SP140: variants seen among roughly 807,000 people sequenced by gnomAD.
The protein encoded by SP140 is SP140 nuclear body protein.
SP140 carries 81 observed loss-of-function variants against 125.0 expected under a neutral mutation model. The ratio of observed to expected loss-of-function variants is 0.65; its 90% CI spans 0.54 to 0.78. The LOEUF is 0.78. Among genes scored for constraint, SP140 ranks in the 30% least tolerant of loss-of-function variants. SP140 has a pLI of 0.00. For synonymous variants in SP140, 312 were observed against 354.0 expected, an observed-to-expected ratio of 0.88 and a Z score of 1.33; for missense variants, 858 against 1,037.0, an observed-to-expected ratio of 0.83 and a Z score of 2.37.
intron 12 of SP140, among the ~76,000 whole-genome samples, chr2:230,266,990 C>T (rs1444707261): frequency 6.6e-6 from 1 of 152,194 alleles, no homozygotes; most frequent in Non-Finnish European, 1.5e-5. Flanking sequence ...ATTATGTTCA[C>T]AGTCCTCAGG....
chr2:230,253,096 A>G (rs544620286), intron 10 of SP140, among the ~76,000 whole-genome samples: 21 of 152,324 alleles, frequency 1.4e-4, no homozygotes, highest in African/African-American at 5.1e-4. Flanking sequence ...GGCCAGTTGG[A>G]GAGAAGATCA....
intron 15 of SP140, among the ~76,000 whole-genome samples, chr2:230,278,350 TG>T (rs1232914389): frequency 4.6e-5 from 7 of 152,118 alleles, no homozygotes; most frequent in African/African-American, 1.7e-4. Context: ...TGTTTTGTTT[TG>T]TTTTTTTGCT....
chr2:230,220,810 T>C (rs759186603), upstream of SP140, among the ~76,000 whole-genome samples: 11 of 152,084 alleles, frequency 7.2e-5, no homozygotes, highest in Non-Finnish European at 1.5e-4. Context: ...TTGAGACCAG[T>C]CTGGGCAACA....
intron 1 of SP140, among the ~76,000 whole-genome samples, chr2:230,234,194 A>G (rs2047651737): frequency 6.6e-6 from 1 of 152,168 alleles, no homozygotes; most frequent in African/African-American, 2.4e-5. Flanking sequence ...CCCAAATCTC[A>G]ACGGGTCACC....
the SP140 span, among the ~76,000 whole-genome samples, chr2:230,194,991 G>A: frequency 6.6e-6 from 1 of 152,060 alleles, no homozygotes; most frequent in Non-Finnish European, 1.5e-5. Flanking sequence ...AGCTGGTCAG[G>A]TGAGGGGCCT....
chr2:230,196,719 A>T, the SP140 span, among the ~76,000 whole-genome samples: 1 of 148,516 alleles, frequency 6.7e-6, no homozygotes, highest in African/African-American at 2.5e-5. Flanking sequence ...CAGTCCCCAG[A>T]GTGTGATGTT....
chr2:230,204,849 A>C (rs2043591404), intron 1 of SP140, among the ~76,000 whole-genome samples: 2 of 152,282 alleles, frequency 1.3e-5, no homozygotes, highest in South Asian at 4.1e-4. Context: ...ATTTATGGGG[A>C]GTAGTGTAGG....
intron 3 of SP140, among the ~76,000 whole-genome samples, chr2:230,240,714 T>C (rs1036484107): frequency 4.6e-5 from 7 of 152,202 alleles, no homozygotes; most frequent in African/African-American, 1.7e-4. Flanking sequence ...CTGGTAGGAA[T>C]GTAAAATGAT....
At chr2:230,260,204 A>G (rs555448665) in intron 12 of SP140, among the ~76,000 whole-genome samples, 1 of 151,920 alleles carries the variant, frequency 6.6e-6, no homozygotes, top group Non-Finnish European at 1.5e-5. Flanking sequence ...ATGTTGAGCA[A>G]TTTTTTCATA....
chr2:230,222,181 G>T (rs770378431), upstream of SP140, among the ~76,000 whole-genome samples: 32 of 148,524 alleles, frequency 2.2e-4, no homozygotes, highest in Admixed American at 4.7e-4. Context: ...AGTGAGCTGA[G>T]ACTGCGCCAC....
intron 1 of SP140, among the ~76,000 whole-genome samples, chr2:230,230,939 GTTTTTTCCTTT>G (rs2047145155): frequency 2.0e-5 from 3 of 151,740 alleles, no homozygotes; most frequent in South Asian, 2.1e-4. Context: ...GTTCTGTTTT[GTTTTTTCCTTT>G]TTTTTTCCTC....
intron 1 of SP140, among the ~76,000 whole-genome samples, chr2:230,231,853 C>T (rs1258129426): frequency 6.6e-6 from 1 of 152,104 alleles, no homozygotes; most frequent in South Asian, 2.1e-4. Context: ...ATTACAGGTG[C>T]CTGCCACCAT....
At position 230,245,922 on chromosome 2, in the gene SP140, CT is replaced by C; in HGVS notation, c.725del (p.Leu242ArgfsTer8). 6.3e-7 allele frequency: 1 copy of C among 1,599,734 alleles called. No homozygotes were observed. On this transcript the variant is annotated frameshift_variant, in exon 7 of 27. Coordinates refer to ENST00000392045, the MANE Select transcript of SP140 (RefSeq NM_007237.5). LOFTEE classifies it high-confidence loss of function. ...EGESEEMPKL[L>X]PYDTEVLESN... is the part of the protein sequence containing the mutation. Reference sequence around the variant, plus strand: ...AGAATCAGAAGAAATGCCCAAGTTACTGCCTTATGATACAGAAGGTAATTAG... The same window carrying C: ...AGAATCAGAAGAAATGCCCAAGTTACGCCTTATGATACAGAAGGTAATTAG...
At chr2:230,233,857 A>T (rs1193271903) in intron 1 of SP140, among the ~76,000 whole-genome samples, 1 of 152,190 alleles carries the variant, frequency 6.6e-6, no homozygotes, top group Non-Finnish European at 1.5e-5. Flanking sequence ...CCTCTGAAAA[A>T]TTTCATTGTA....
intron 12 of SP140, among the ~76,000 whole-genome samples, chr2:230,267,087 C>G (rs1351093563): frequency 6.6e-6 from 1 of 152,186 alleles, no homozygotes; most frequent in Non-Finnish European, 1.5e-5. Flanking sequence ...AGATAAGCCA[C>G]TGATTTTCCC....
At chr2:230,239,598 C>G (rs907110570) in intron 3 of SP140, among the ~76,000 whole-genome samples, 1 of 152,142 alleles carries the variant, frequency 6.6e-6, no homozygotes, top group Non-Finnish European at 1.5e-5. Flanking sequence ...AGTCACCCAC[C>G]ACCACACCCG....
At chr2:230,306,145 T>C (rs902464359) in intron 22 of SP140, among the ~76,000 whole-genome samples, 2 of 152,198 alleles carry the variant, frequency 1.3e-5, no homozygotes, top group Non-Finnish European at 2.9e-5. Flanking sequence ...CCCTGTGCCC[T>C]GTGTCCCTGA....
upstream of SP140, among the ~76,000 whole-genome samples, chr2:230,222,186 C>T (rs1036516148): frequency 3.3e-5 from 5 of 149,618 alleles, no homozygotes; most frequent in East Asian, 2.0e-4. Flanking sequence ...GCTGAGACTG[C>T]GCCACAGCAG....
intron 1 of SP140, among the ~76,000 whole-genome samples, chr2:230,226,252 C>T (rs781761821): frequency 2.0e-5 from 3 of 152,166 alleles, no homozygotes; most frequent in Admixed American, 2.0e-4. Flanking sequence ...CTCCAAAAGA[C>T]AACTCTGTCT....
Sources: gnomAD v4.1 joint callset for allele counts (sites outside exome capture counted in the v4.1 genomes callset) on GRCh38, gnomAD v4.1.1 for gene constraint, MANE v1.5 for transcripts, NCBI Gene and HGNC (gene_info 2026-07-23, HGNC 2026-07-21) for gene names.